LCK: variants seen among roughly 807,000 people sequenced by gnomAD.
The protein encoded by LCK is tyrosine-protein kinase Lck.
In LCK, 14 loss-of-function variants were observed where a neutral mutation model predicts 64.6. The observed-to-expected ratio is 0.22, with a 90% CI of 0.14 to 0.34. The LOEUF (loss-of-function observed/expected upper bound fraction) is 0.34. LCK is among the 10% of genes least tolerant of loss of function. The probability of loss-of-function intolerance (pLI) is 1.00; values close to 1 mark genes in which losing one functional copy is unlikely to be tolerated. For synonymous variants in LCK, 277 were observed against 263.6 expected (o/e 1.05, Z -0.49); for missense variants, 434 against 668.1 (o/e 0.65, Z 3.86).
rs1553154005 is a variant in LCK at position 32,276,103 on chromosome 1, T to TATCTCCCCTCAGTCC, written c.631+41_631+55dup. ...ACCCCTCCCCCGTGCCCTATCAGCC[T>TATCTCCCCTCAGTCC]ATCTCCCCTCAGTCCCCCTCAGGTG... On this transcript the variant is annotated intron_variant, in intron 7 of 12. Transcript: ENST00000336890. The surrounding 1 kb of genome is among the most constrained non-coding windows in gnomAD (Gnocchi z 4.6). The TATCTCCCCTCAGTCC allele has an allele frequency of 6.2e-7, 1 of 1,608,368 alleles. No homozygotes were observed. Among genetic ancestry groups the TATCTCCCCTCAGTCC allele is most frequent in the African/African-American group, 1.3e-5 (1 of 74,580 alleles).
chr1:32,276,697 T>C lies in LCK; in HGVS notation c.875T>C (p.Met292Thr). 1 of 1,614,086 alleles carries C rather than the reference T, an allele frequency of 6.2e-7. No individual in the cohort carries two copies. Among genetic ancestry groups the C allele is most frequent in the Non-Finnish European group, 8.5e-7 (1 of 1,180,012 alleles). Residue 292 changes from methionine (M) to threonine (T), a missense_variant, in exon 9 of 13, where the codon ATG (methionine) becomes ACG (threonine). Met to Thr is a moderately conservative substitution (Grantham distance 81). Transcript: ENST00000336890. The surrounding 1 kb of genome is among the most constrained non-coding windows in gnomAD (Gnocchi z 4.6). ...GCCTTCCTGGCCGAGGCCAACCTCA[T>C]GAAGCAGCTGCAACACCAGCGGCTG... ...PDAFLAEANL[M>T]KQLQHQRLVR...
At chr1:32,256,183 G>C (rs1051577544) in intron 1 of LCK, among the ~76,000 whole-genome samples, 2 of 151,826 alleles carry the variant, frequency 1.3e-5, no homozygotes, top group Non-Finnish European at 2.9e-5. Context: ...CTGTCACCCA[G>C]GCTGGAGTGC....
rs200964796 is a variant in LCK, at chr1:32,258,606, T to TA, written c.-6+7239dup. Among the ~76,000 whole-genome samples, 988 of 129,194 alleles carry TA rather than the reference T, an allele frequency of 7.6e-3. 9 individuals carry two copies. Among genetic ancestry groups the TA allele is most frequent in the African/African-American group, 0.032 (908 of 28,482 alleles). 84.8% of individuals were successfully genotyped at this position (129,194 alleles called of 152,430 possible). The stretch of plus-strand genomic sequence containing the variant: ...ACCAGCCTGACCAACATAGTGAAAC[T>TA]AAAATTAGTTTCTACTAAAAAACAC... On this transcript the variant is annotated intron_variant, in intron 1 of 12. Transcript: ENST00000336890.
intron 12 of LCK, 108 bp downstream of exon 12, chr1:32,280,318 T>G: frequency 7.0e-7 from 1 of 1,427,718 alleles, no homozygotes; most frequent in Non-Finnish European, 9.5e-7. Context: ...CTGCATCTCC[T>G]CTATCTTCTC....
At position 32,276,281 on chromosome 1, in the gene LCK, G is replaced by A. The variant is rs891125914; in HGVS notation, c.632-56G>A. 3 of 1,518,648 alleles carry A rather than the reference G, an allele frequency of 2.0e-6. No individual in the cohort carries two copies. The highest frequency in any genetic ancestry group is 2.6e-6 in the Non-Finnish European group (3 of 1,137,070). 94.1% of individuals were successfully genotyped at this position (1,518,648 alleles called of 1,614,324 possible). A position where few individuals can be genotyped will look rare whatever the true frequency, so the allele number is the denominator to read the frequency against. ...GGGGCTTGGAGAAGTGGGGGAGGTG[G>A]TGTCAATACGAGGCCTGCCCTATTG... On this transcript the variant is annotated intron_variant, in intron 7 of 12. Transcript: ENST00000336890. The surrounding 1 kb of genome is among the most constrained non-coding windows in gnomAD (Gnocchi z 4.6).
intron 1 of LCK, among the ~76,000 whole-genome samples, chr1:32,257,375 A>G (rs1159873457): frequency 6.6e-6 from 1 of 151,562 alleles, no homozygotes; most frequent in African/African-American, 2.4e-5. Context: ...TCAGCCTCCC[A>G]AGTAGCTGGG....
intron 1 of LCK, among the ~76,000 whole-genome samples, chr1:32,263,169 GCC>G (rs1639824275): frequency 2.6e-5 from 4 of 151,768 alleles, no homozygotes; most frequent in African/African-American, 9.7e-5. Context: ...AGGTGGGCAG[GCC>G]ACTTGAGGTT....
chr1:32,261,240 ATTTTTTT>A (rs533208515), intron 1 of LCK, among the ~76,000 whole-genome samples: 12,361 of 106,026 alleles, frequency 0.12, 811 homozygotes, highest in East Asian at 0.34. Context: ...TGCTTGGCTA[ATTTTTTT>A]TTTTTTTTTT....
In LCK at chr1:32,258,421, TC is replaced by T. The variant is rs1639680387; in HGVS notation, c.-6+7051del. 5.4e-5 allele frequency among the ~76,000 whole-genome samples: 8 copies of T among 147,900 alleles called. No individual in the cohort carries two copies. In the South Asian group the frequency reaches 1.7e-3, roughly 32 times the overall value. ...AGTTTCAGGTTGCAGTGAGCTACAATCATGTGCTGTACTACTCCAGCCTGGG... is the reference window on the plus strand; with the variant it reads ...AGTTTCAGGTTGCAGTGAGCTACAATATGTGCTGTACTACTCCAGCCTGGG... On this transcript the variant is annotated intron_variant, in intron 1 of 12. Coordinates refer to ENST00000336890, the MANE Select transcript of LCK (RefSeq NM_005356.5).
chr1:32,275,157 C>T lies in LCK; in HGVS notation c.278+74C>T. The T allele has an allele frequency of 1.3e-6, 2 of 1,498,200 alleles. No homozygotes were observed. The highest frequency in any genetic ancestry group is 1.8e-6 in the Non-Finnish European group (2 of 1,086,578). 92.8% of individuals were successfully genotyped at this position (1,498,200 alleles called of 1,614,324 possible). On this transcript the variant is annotated intron_variant, in intron 4 of 12. Coordinates refer to ENST00000336890, the MANE Select transcript of LCK (RefSeq NM_005356.5). The surrounding 1 kb of genome is among the most constrained non-coding windows in gnomAD (Gnocchi z 6.9). ...ATCTCCGCGACCCGCAGCCCTCCTGCGGCCCTTGACCAGCTCGGGGTGGCC... is the reference window on the plus strand; with the variant it reads ...ATCTCCGCGACCCGCAGCCCTCCTGTGGCCCTTGACCAGCTCGGGGTGGCC...
At position 32,252,203 on chromosome 1, in the gene LCK, T is replaced by C. The variant is rs532277297; in HGVS notation, c.-6+832T>C. On this transcript the variant is annotated intron_variant, in intron 1 of 12. Coordinates refer to ENST00000336890, the MANE Select transcript of LCK (RefSeq NM_005356.5). ...TGGGTGAGGAAGCGCTGAACTTCCATCTGGAAAGTCACCATTCCTGCCCCT... is the reference window on the plus strand; with the variant it reads ...TGGGTGAGGAAGCGCTGAACTTCCACCTGGAAAGTCACCATTCCTGCCCCT... Among the ~76,000 whole-genome samples the C allele has an allele frequency of 3.2e-4, 49 of 152,256 alleles. 1 individual carries two copies. In the South Asian group the frequency reaches 1.0e-2, roughly 31 times the overall value.
chr1:32,258,113 T>A (rs1220166954), intron 1 of LCK, among the ~76,000 whole-genome samples: 3 of 151,428 alleles, frequency 2.0e-5, no homozygotes, highest in Non-Finnish European at 2.9e-5. Flanking sequence ...GCAGACCCCG[T>A]CTCTACAAAA....
In LCK at chr1:32,274,211, G is replaced by A. The variant is rs756114802; in HGVS notation, c.-5-114G>A. On this transcript the variant is annotated intron_variant, in intron 1 of 12. Coordinates refer to ENST00000336890, the MANE Select transcript of LCK (RefSeq NM_005356.5). Reference sequence around the variant, plus strand: ...TGTGGCTGGTGAATGGGGATCCCAGGATCTCACAATCTCAGGTACTTTTGG... The same window carrying A: ...TGTGGCTGGTGAATGGGGATCCCAGAATCTCACAATCTCAGGTACTTTTGG... The A allele has an allele frequency of 5.8e-6, 9 of 1,561,020 alleles. No homozygotes were observed. The Admixed American group carries it at 1.7e-4, about 29-fold the overall frequency.
chr1:32,275,121 A>C lies in LCK; in HGVS notation c.278+38A>C. 6.4e-7 allele frequency: 1 copy of C among 1,572,674 alleles called. No homozygotes were observed. The highest frequency in any genetic ancestry group is 8.7e-7 in the Non-Finnish European group (1 of 1,149,398). ...CCACCTTGCTCTGGCGGAGTCCGTG[A>C]GGGAGCGGCGATCTCCGCGACCCGC... On this transcript the variant is annotated intron_variant, in intron 4 of 12. Coordinates refer to ENST00000336890, the MANE Select transcript of LCK (RefSeq NM_005356.5). The surrounding 1 kb of genome is among the most constrained non-coding windows in gnomAD (Gnocchi z 6.9).
At chr1:32,274,527 A>C in intron 2 of LCK, 93 bp downstream of exon 2, 1 of 1,098,584 alleles carries the variant, frequency 9.1e-7, no homozygotes, top group Non-Finnish European at 1.3e-6. Context: ...CCTTGAAAGA[A>C]TAGAGTGGCC....
intron 1 of LCK, among the ~76,000 whole-genome samples, chr1:32,268,290 A>C (rs1274534132): frequency 6.6e-6 from 1 of 152,074 alleles, no homozygotes; most frequent in Non-Finnish European, 1.5e-5. Context: ...TTCAAAACTT[A>C]AAAAAATTTA....
At chr1:32,274,139 CA>C in intron 1 of LCK, 185 bp from the exon 2 acceptor site, 2 of 1,301,976 alleles carry the variant, frequency 1.5e-6, no homozygotes, top group Non-Finnish European at 2.1e-6. Flanking sequence ...CCTGAGGGCT[CA>C]GAGGGAGCAC....
chr1:32,274,959 G>C lies in LCK; in HGVS notation c.188-34G>C, dbSNP rs1254386276. ...AACTCCAGGCTTCCTGCCGATCCCA[G>C]CTCGGTTCTCCCTGATGCCCCTTGT... On this transcript the variant is annotated intron_variant, in intron 3 of 12. Coordinates refer to ENST00000336890, the MANE Select transcript of LCK (RefSeq NM_005356.5). 5 of 1,614,038 alleles carry C rather than the reference G, an allele frequency of 3.1e-6. No homozygotes were observed. The African/African-American group carries it at 5.3e-5, about 17-fold the overall frequency.
At chr1:32,267,242 C>T (rs1021281460) in intron 1 of LCK, among the ~76,000 whole-genome samples, 7 of 152,086 alleles carry the variant, frequency 4.6e-5, no homozygotes, top group African/African-American at 1.7e-4. Flanking sequence ...ATGTCCACCT[C>T]CCCCCAGGAC....
Sources: allele counts gnomAD v4.1 joint callset (sites outside exome capture counted in the v4.1 genomes callset), GRCh38; gene constraint gnomAD v4.1.1; non-coding constraint Gnocchi (gnomAD v3.1); transcripts MANE v1.5; gene names NCBI Gene and HGNC (gene_info 2026-07-23, HGNC 2026-07-21).